STRBP: variants seen among roughly 807,000 people sequenced by gnomAD.
The protein encoded by STRBP is spermatid perinuclear RNA-binding protein.
In STRBP, 13 loss-of-function variants were observed where a neutral mutation model predicts 80.1. The ratio of observed to expected loss-of-function variants is 0.16; its 90% CI spans 0.11 to 0.26. STRBP has a LOEUF of 0.26. Among genes scored for constraint, STRBP ranks in the 10% least tolerant of loss-of-function variants. The pLI is 1.00. For missense variants in STRBP, 485 were observed against 815.2 expected (o/e 0.59, Z 4.93); for synonymous variants, 284 against 291.2 (o/e 0.98, Z 0.25).
chr9:123,206,391 T>C (rs2039515316), intron 2 of STRBP, among the ~76,000 whole-genome samples: 1 of 152,154 alleles, frequency 6.6e-6, no homozygotes, highest in Non-Finnish European at 1.5e-5. Context: ...GTGAGTTTCA[T>C]TTTGGAATGG....
rs1376609284 is a variant in STRBP, at chr9:123,110,933, G to A, written c.*85-1180C>T. 5.9e-6 allele frequency: 1 copy of A among 168,928 alleles called. No homozygotes were observed. The highest frequency in any genetic ancestry group is 6.5e-5 in the Admixed American group (1 of 15,284). 10.5% of individuals were successfully genotyped at this position (168,928 alleles called of 1,614,324 possible). ...GCTCAGTACCCCATCTAAGAAATGG[G>A]GGTGCGCAGTGAACAGAACCTGCTT... On this transcript the variant is annotated intron_variant and NMD_transcript_variant, in intron 3 of 3. Coordinates refer to the STRBP transcript ENST00000471564. This position sits in a 1 kb window ranked among gnomAD's most constrained non-coding sequence, Gnocchi z 4.1.
intron 2 of STRBP, among the ~76,000 whole-genome samples, chr9:123,214,421 C>G (rs187806290): frequency 6.4e-4 from 97 of 152,036 alleles, no homozygotes; most frequent in African/African-American, 2.2e-3. Flanking sequence ...ATGGGTGCAC[C>G]AAAATCTCAC....
chr9:123,125,501 G>A lies in STRBP; in HGVS notation c.*96C>T. On this transcript the variant is annotated 3_prime_UTR_variant, in exon 19 of 19. Transcript: ENST00000348403. ...GTTCTTTACAAATAATTTTGATCAAGTATGTGTTCAAAGAAAGCAGGATAA... is the reference window on the plus strand; with the variant it reads ...GTTCTTTACAAATAATTTTGATCAAATATGTGTTCAAAGAAAGCAGGATAA... 1 of 1,347,630 alleles carries A rather than the reference G, an allele frequency of 7.4e-7. No homozygotes were observed. Among genetic ancestry groups the A allele is most frequent in the Non-Finnish European group, 9.6e-7 (1 of 1,041,746 alleles). The allele number at this position is 1,347,630 out of a possible 1,614,324, so 83.5% of individuals were successfully genotyped here. A position where few individuals can be genotyped will look rare whatever the true frequency, so the allele number is the denominator to read the frequency against.
rs1198894085 is a variant in STRBP, at chr9:123,110,762, C to G, written c.*85-1009G>C. On this transcript the variant is annotated intron_variant and NMD_transcript_variant, in intron 3 of 3. Coordinates refer to the STRBP transcript ENST00000471564. This position sits in a 1 kb window ranked among gnomAD's most constrained non-coding sequence, Gnocchi z 4.1. ...AGAGCGAGGCCCTCTGGTCGGAGGC[C>G]TACAATTTGGCTCCCCAGTAACATT... 1 of 169,154 alleles carries G rather than the reference C, an allele frequency of 5.9e-6. No homozygotes were observed. Among genetic ancestry groups the G allele is most frequent in the African/African-American group, 2.4e-5 (1 of 41,502 alleles). The allele number at this position is 169,154 out of a possible 1,614,324, so 10.5% of individuals were successfully genotyped here.
chr9:123,268,169 G>A (rs533788858), intron 1 of STRBP, among the ~76,000 whole-genome samples: 170 of 151,878 alleles, frequency 1.1e-3, no homozygotes, highest in Non-Finnish European at 2.0e-3. Flanking sequence ...CCGTCCCCGC[G>A]AAGGTGAGGA....
rs184570594 is a variant in STRBP, at chr9:123,132,918, C to A, written c.1824G>T (p.Arg608=). 13 of 1,614,100 alleles carry A rather than the reference C, an allele frequency of 8.1e-6. No homozygotes were observed. In the African/African-American group the frequency reaches 1.7e-4, roughly 22 times the overall value. Residue 608 remains arginine, a synonymous_variant, in exon 17 of 19, where the codon CGG becomes CGT. Transcript: ENST00000348403. ...TTGTTAGAGTTCCTCTTCCTCTGCC[C>A]CGAACAGCTTGGACTGCTGCAGACA... The part of the protein sequence containing the change: ...TAVSAAVQAV[R]GRGRGTLTRG...
chr9:123,152,461 A>T (rs2037098209), intron 11 of STRBP, among the ~76,000 whole-genome samples: 1 of 152,132 alleles, frequency 6.6e-6, no homozygotes, highest in Admixed American at 6.6e-5. Context: ...TAAAAAGCCC[A>T]AACTGGAAAC....
chr9:123,174,872 C>A (rs2038154213), intron 4 of STRBP, among the ~76,000 whole-genome samples: 1 of 152,146 alleles, frequency 6.6e-6, no homozygotes, highest in African/African-American at 2.4e-5. Flanking sequence ...CCCTTAATCA[C>A]AAATGAAAAT....
At chr9:123,223,068 T>C (rs143406579) in intron 2 of STRBP, among the ~76,000 whole-genome samples, 3 of 151,390 alleles carry the variant, frequency 2.0e-5, no homozygotes, top group East Asian at 2.0e-4. Context: ...GATAGATAGA[T>C]AGATAGATAG....
intron 2 of STRBP, among the ~76,000 whole-genome samples, chr9:123,223,385 A>T (rs1486377701): frequency 6.6e-6 from 1 of 152,208 alleles, no homozygotes; most frequent in Non-Finnish European, 1.5e-5. Flanking sequence ...ATATTTGCTC[A>T]TTAATTTTAG....
At chr9:123,206,607 T>C (rs1430708738) in intron 2 of STRBP, among the ~76,000 whole-genome samples, 3 of 152,150 alleles carry the variant, frequency 2.0e-5, no homozygotes, top group Non-Finnish European at 2.9e-5. Flanking sequence ...TGTCTGAACA[T>C]TTCCATAATA....
intron 6 of STRBP, among the ~76,000 whole-genome samples, chr9:123,163,044 A>G (rs955771556): frequency 1.2e-4 from 19 of 152,192 alleles, no homozygotes; most frequent in Non-Finnish European, 2.2e-4. Flanking sequence ...AATCCCAATA[A>G]ATAGTATGGA....
chr9:123,136,307 A>C lies in STRBP; in HGVS notation c.1632+74T>G. 5 of 1,600,212 alleles carry C rather than the reference A, an allele frequency of 3.1e-6. No individual in the cohort carries two copies. Among genetic ancestry groups the C allele is most frequent in the East Asian group, 4.5e-5 (2 of 44,762 alleles). On this transcript the variant is annotated intron_variant, in intron 15 of 18. Transcript: ENST00000348403. This position sits in a 1 kb window ranked among gnomAD's most constrained non-coding sequence, Gnocchi z 4.2. ...TGCCACAAGAACTGACTCAGTCTAA[A>C]ACTTTACATTAAGTTCAGGATATCC... is the stretch of plus-strand genomic sequence containing the variant.
chr9:123,254,705 C>T (rs1218471676), intron 1 of STRBP, among the ~76,000 whole-genome samples: 1 of 152,034 alleles, frequency 6.6e-6, no homozygotes, highest in Non-Finnish European at 1.5e-5. Context: ...AAACTAAAAG[C>T]CATCACACCT....
intron 3 of STRBP, among the ~76,000 whole-genome samples, chr9:123,180,486 T>C (rs1242703124): frequency 6.6e-6 from 1 of 152,112 alleles, no homozygotes; most frequent in African/African-American, 2.4e-5. Context: ...ACAAATATAT[T>C]CTCAATCAAA....
At chr9:123,210,522 G>C (rs2039670466) in intron 2 of STRBP, among the ~76,000 whole-genome samples, 1 of 151,960 alleles carries the variant, frequency 6.6e-6, no homozygotes, top group African/African-American at 2.4e-5. Flanking sequence ...AAAAATAGAA[G>C]AAACATTATT....
rs1554754377 is a variant in STRBP, at chr9:123,169,891, T to TAC, written c.535+9_535+10dup. 373 of 1,415,386 alleles carry TAC rather than the reference T, an allele frequency of 2.6e-4. 2 individuals carry two copies. The highest frequency in any genetic ancestry group is 3.1e-4 in the Non-Finnish European group (335 of 1,069,494). 87.7% of individuals were successfully genotyped at this position (1,415,386 alleles called of 1,614,324 possible). A position where few individuals can be genotyped will look rare whatever the true frequency, so the allele number is the denominator to read the frequency against. ...ATATATACATATATATATATATATATACATGTGTACCTCCATCCTTCTTCT... is the reference window on the plus strand; with the variant it reads ...ATATATACATATATATATATATATATACACATGTGTACCTCCATCCTTCTTCT... On this transcript the variant is annotated intron_variant, in intron 6 of 18. Transcript: ENST00000348403.
chr9:123,233,418 C>G (rs186841885), intron 2 of STRBP, among the ~76,000 whole-genome samples: 32 of 152,280 alleles, frequency 2.1e-4, no homozygotes, highest in African/African-American at 7.2e-4. Context: ...TAACAAGTAT[C>G]AAACTCCAGC....
In STRBP at chr9:123,173,908, T is replaced by C; in HGVS notation, c.225-66A>G. ...TCCCAAACTATAACTTAATCATCAC[T>C]TGGCTTCCTGAATACTCTTACAAAC... On this transcript the variant is annotated intron_variant, in intron 4 of 18. Coordinates refer to ENST00000348403, the MANE Select transcript of STRBP (RefSeq NM_018387.5). 4 of 1,511,964 alleles carry C rather than the reference T, an allele frequency of 2.6e-6. No homozygotes were observed. In the South Asian group the frequency reaches 4.0e-5, roughly 15 times the overall value. 93.7% of individuals were successfully genotyped at this position (1,511,964 alleles called of 1,614,324 possible).
Sources: allele counts gnomAD v4.1 joint callset (sites outside exome capture counted in the v4.1 genomes callset), GRCh38; gene constraint gnomAD v4.1.1; non-coding constraint Gnocchi (gnomAD v3.1); transcripts MANE v1.5; gene names NCBI Gene and HGNC (gene_info 2026-07-23, HGNC 2026-07-21).